The following LHFPL2 variants were observed in gnomAD, a reference collection of about 807,000 sequenced individuals.
The protein encoded by LHFPL2 is LHFPL tetraspan subfamily member 2.
In LHFPL2, 7 loss-of-function variants were observed where a neutral mutation model predicts 17.5. The observed-to-expected ratio is 0.40, with a 90% CI of 0.23 to 0.75. The LOEUF (loss-of-function observed/expected upper bound fraction) is 0.75, where lower values mean the gene tolerates loss of function less well. LHFPL2 is among the 30% of genes least tolerant of loss of function. The pLI, the probability that LHFPL2 is intolerant of heterozygous loss-of-function variation, is 0.37. For synonymous variants in LHFPL2, 134 were observed against 116.2 expected (o/e 1.15, Z -0.99); for missense variants, 241 against 294.8 (o/e 0.82, Z 1.34).
intron 3 of LHFPL2, among the ~76,000 whole-genome samples, chr5:78,559,874 T>C (rs550516775): frequency 6.6e-6 from 1 of 152,366 alleles, no homozygotes; most frequent in East Asian, 1.9e-4. Flanking sequence ...CTAAAGATTC[T>C]TCAAAAAATT....
intron 3 of LHFPL2, among the ~76,000 whole-genome samples, chr5:78,551,907 G>A (rs777538159): frequency 6.6e-6 from 1 of 152,188 alleles, no homozygotes. Flanking sequence ...GAGAGGCCAA[G>A]AGGAATCTAG....
chr5:78,644,170 CAT>C, intron 1 of LHFPL2: 1 of 555,430 alleles, frequency 1.8e-6, no homozygotes, highest in Non-Finnish European at 3.2e-6. Context: ...ACAATTGTTA[CAT>C]AGTCTTCCAT....
chr5:78,507,881 T>G (rs1279773348), intron 4 of LHFPL2, among the ~76,000 whole-genome samples: 2 of 152,086 alleles, frequency 1.3e-5, no homozygotes, highest in Admixed American at 1.3e-4. Flanking sequence ...GCTACATGTT[T>G]GACTCTTCAA....
At chr5:78,552,630 C>T (rs1367165835) in intron 3 of LHFPL2, among the ~76,000 whole-genome samples, 1 of 152,154 alleles carries the variant, frequency 6.6e-6, no homozygotes, top group Admixed American at 6.5e-5. Flanking sequence ...CCAAAGGCAC[C>T]AGCACACTAA....
rs1754239536 is a variant in LHFPL2, at chr5:78,486,331, T to TTAA, written c.*2563_*2565dup. ...ATCCCATCCCGTCATGAGACTTTCT[T>TTAA]TAAGCCAATTTCAGGCAAAATAAAT... is the stretch of plus-strand genomic sequence containing the variant. On this transcript the variant is annotated 3_prime_UTR_variant, in exon 5 of 5. Transcript: ENST00000380345. 3.3e-5 allele frequency: 5 copies of TTAA among 152,288 alleles called. No individual in the cohort carries two copies. Among genetic ancestry groups the TTAA allele is most frequent in the Admixed American group, 3.3e-4 (5 of 15,292 alleles). The allele number at this position is 152,288 out of a possible 1,614,324, so 9.4% of individuals were successfully genotyped here.
intron 2 of LHFPL2, among the ~76,000 whole-genome samples, chr5:78,571,511 T>C (rs1756999316): frequency 6.6e-6 from 1 of 152,120 alleles, no homozygotes; most frequent in Non-Finnish European, 1.5e-5. Context: ...TAACTCCCTG[T>C]TTCAAGTCCA....
intron 1 of LHFPL2, among the ~76,000 whole-genome samples, chr5:78,642,672 C>T (rs1191623061): frequency 6.6e-6 from 1 of 152,180 alleles, no homozygotes; most frequent in Non-Finnish European, 1.5e-5. Flanking sequence ...TCATCTCTAG[C>T]TCCAGACCTC....
At chr5:78,589,950 T>G (rs531794983) in intron 2 of LHFPL2, 6 of 152,366 alleles carry the variant, frequency 3.9e-5, no homozygotes, top group African/African-American at 1.4e-4. Flanking sequence ...ACCTAGCCCC[T>G]GCAGGTGGTC....
At chr5:78,509,061 C>T (rs1755022111) in intron 4 of LHFPL2, among the ~76,000 whole-genome samples, 1 of 152,218 alleles carries the variant, frequency 6.6e-6, no homozygotes. Context: ...CTGCAGCTCA[C>T]AACCTTCTCC....
chr5:78,494,247 C>CA (rs1404208389), intron 4 of LHFPL2: 9 of 467,860 alleles, frequency 1.9e-5, no homozygotes, highest in Middle Eastern at 1.1e-3. Context: ...GACTGGGTCG[C>CA]AGCAAGCCCA....
intron 2 of LHFPL2, among the ~76,000 whole-genome samples, chr5:78,631,695 G>A (rs182164241): frequency 6.6e-6 from 1 of 152,348 alleles, no homozygotes; most frequent in East Asian, 1.9e-4. Context: ...CAGCACTTTG[G>A]GAGGCCAACG....
chr5:78,534,448 C>A (rs548055141), intron 3 of LHFPL2, among the ~76,000 whole-genome samples: 2 of 152,190 alleles, frequency 1.3e-5, no homozygotes, highest in Admixed American at 6.5e-5. Context: ...AGCAAGGGAG[C>A]GGCTGCAGGA....
intron 1 of LHFPL2, among the ~76,000 whole-genome samples, chr5:78,640,151 C>T (rs1374961340): frequency 1.3e-5 from 2 of 151,982 alleles, no homozygotes; most frequent in Non-Finnish European, 2.9e-5. Flanking sequence ...TTTAAGATCT[C>T]ACTGCTGGTT....
chr5:78,577,758 C>G (rs887120143), intron 2 of LHFPL2, among the ~76,000 whole-genome samples: 10 of 151,526 alleles, frequency 6.6e-5, no homozygotes, highest in African/African-American at 2.4e-4. Context: ...TCCACACTTT[C>G]TAAACGAGAA....
At chr5:78,505,394 C>G (rs143447256) in intron 4 of LHFPL2, among the ~76,000 whole-genome samples, 245 of 152,310 alleles carry the variant, frequency 1.6e-3, no homozygotes, top group African/African-American at 5.6e-3. Context: ...CAGAAGCCAC[C>G]TGCAATCAAC....
intron 3 of LHFPL2, among the ~76,000 whole-genome samples, chr5:78,526,040 A>AGTCCAGTG (rs1366805883): frequency 6.6e-6 from 1 of 152,084 alleles, no homozygotes; most frequent in Non-Finnish European, 1.5e-5. Flanking sequence ...GGGGCTTCAA[A>AGTCCAGTG]CCTGGGTCTC....
At chr5:78,629,385 T>C (rs1405586033) in intron 2 of LHFPL2, among the ~76,000 whole-genome samples, 1 of 152,196 alleles carries the variant, frequency 6.6e-6, no homozygotes, top group Non-Finnish European at 1.5e-5. Context: ...GGTCACCCAA[T>C]CACAGCTGAC....
chr5:78,523,572 G>A (rs1002557440), intron 3 of LHFPL2, among the ~76,000 whole-genome samples: 3 of 152,262 alleles, frequency 2.0e-5, no homozygotes, highest in East Asian at 3.9e-4. Context: ...TGCCAAGGGC[G>A]AAGAATGAGG....
At chr5:78,533,494 A>G (rs531040902) in intron 3 of LHFPL2, among the ~76,000 whole-genome samples, 8 of 152,302 alleles carry the variant, frequency 5.3e-5, no homozygotes, top group African/African-American at 1.9e-4. Flanking sequence ...GTAGGATGCT[A>G]TGGAAAAGGT....
Sources: gnomAD v4.1 joint callset for allele counts (sites outside exome capture counted in the v4.1 genomes callset) on GRCh38, gnomAD v4.1.1 for gene constraint, MANE v1.5 for transcripts, NCBI Gene and HGNC (gene_info 2026-07-23, HGNC 2026-07-21) for gene names.